The following GLTP variants were observed in gnomAD, a reference collection of about 807,000 sequenced individuals.
GLTP encodes the protein glycolipid transfer protein.
Under a neutral mutation model 24.0 loss-of-function variants are expected in GLTP, and 22 were observed. That is an observed-to-expected ratio of 0.92 (90% CI 0.65 to 1.31). GLTP has a LOEUF of 1.31. Ranked by LOEUF, GLTP falls within the 50% of genes most tolerant of loss-of-function variation. GLTP has a pLI of 0.00. For missense variants in GLTP, 224 were observed against 276.6 expected (o/e 0.81, Z 1.35); for synonymous variants, 92 against 115.9 (o/e 0.79, Z 1.33).
At chr12:109,876,645 A>T (rs1039784370) in intron 1 of GLTP, among the ~76,000 whole-genome samples, 3 of 148,428 alleles carry the variant, frequency 2.0e-5, no homozygotes, top group Non-Finnish European at 4.5e-5. Context: ...GAAAAGAAAG[A>T]AGGAAAGGAA....
chr12:109,880,231 C>T lies in GLTP; in HGVS notation c.103+41G>A. On this transcript the variant is annotated intron_variant, in intron 1 of 4. Transcript: ENST00000318348. This position sits in a 1 kb window ranked among gnomAD's most constrained non-coding sequence, Gnocchi z 5.1. ...TCGGGGGAAGGAGGATTCGGGTGCGCGTGGGGCTGCGGGCCGCCTCCCCCC... is the reference window on the plus strand; with the variant it reads ...TCGGGGGAAGGAGGATTCGGGTGCGTGTGGGGCTGCGGGCCGCCTCCCCCC... 8 of 1,189,172 alleles carry T rather than the reference C, an allele frequency of 6.7e-6. No individual in the cohort carries two copies. Among genetic ancestry groups the T allele is most frequent in the Non-Finnish European group, 9.8e-6 (8 of 814,752 alleles). The allele number at this position is 1,189,172 out of a possible 1,614,324, so 73.7% of individuals were successfully genotyped here.
chr12:109,870,801 C>T (rs975835538), intron 1 of GLTP, among the ~76,000 whole-genome samples: 2 of 152,124 alleles, frequency 1.3e-5, no homozygotes, highest in Admixed American at 6.6e-5. Flanking sequence ...CTTGGAGGAA[C>T]AGCAAGGCAG....
At chr12:109,871,817 G>A (rs991986640) in intron 1 of GLTP, among the ~76,000 whole-genome samples, 3 of 152,162 alleles carry the variant, frequency 2.0e-5, no homozygotes, top group Non-Finnish European at 4.4e-5. Flanking sequence ...TCCTTTTCAC[G>A]TGGATATAGG....
chr12:109,858,855 C>A, intron 1 of GLTP, 114 bp from the exon 2 acceptor site: 1 of 744,044 alleles, frequency 1.3e-6, no homozygotes, highest in South Asian at 1.5e-5. Flanking sequence ...CCGGGGAGAG[C>A]TGAGTTGTTC....
chr12:109,869,640 T>G (rs998155020), intron 1 of GLTP, among the ~76,000 whole-genome samples: 4 of 150,890 alleles, frequency 2.7e-5, no homozygotes, highest in East Asian at 2.0e-4. Flanking sequence ...TTTTTTGTTT[T>G]TTTGTATTTT....
chr12:109,852,403 C>T lies in GLTP; in HGVS notation c.*152G>A, dbSNP rs1418467119. 10 of 353,994 alleles carry T rather than the reference C, an allele frequency of 2.8e-5. No individual in the cohort carries two copies. Among genetic ancestry groups the T allele is most frequent in the South Asian group, 5.1e-5 (1 of 19,544 alleles). 21.9% of individuals were successfully genotyped at this position (353,994 alleles called of 1,614,324 possible). A position where few individuals can be genotyped will look rare whatever the true frequency, so the allele number is the denominator to read the frequency against. ...AAAAAAAAAAAAAAGACTTAAAAAA[C>T]GAGGGCTGTCCCCTGCAGACTCTGG... On this transcript the variant is annotated 3_prime_UTR_variant, in exon 5 of 5. Coordinates refer to ENST00000318348, the MANE Select transcript of GLTP (RefSeq NM_016433.4).
rs1892717072 is a variant in GLTP, at chr12:109,851,185, A to G, written c.*1370T>C. ...GAAGGGTTCATCTCTCCCCGTCAAG[A>G]GAATACACACGGTAGGTAGTTTCTT... On this transcript the variant is annotated 3_prime_UTR_variant, in exon 5 of 5. Transcript: ENST00000318348. 6.6e-6 allele frequency: 1 copy of G among 152,608 alleles called. No individual in the cohort carries two copies. The allele number at this position is 152,608 out of a possible 1,614,324, so 9.5% of individuals were successfully genotyped here.
Position 109,857,717 on chromosome 12 carries a change from C to T in GLTP, c.163-58G>A. The T allele has an allele frequency of 1.9e-6, 3 of 1,593,442 alleles. No homozygotes were observed. Among genetic ancestry groups the T allele is most frequent in the Non-Finnish European group, 2.6e-6 (3 of 1,161,198 alleles). ...TAAGCTGCCCCCATAGACATCTGGC[C>T]CGCACGCTGGGTGAAAAGCACCCTA... is the stretch of plus-strand genomic sequence containing the variant. On this transcript the variant is annotated intron_variant, in intron 2 of 4. Transcript: ENST00000318348. This position sits in a 1 kb window ranked among gnomAD's most constrained non-coding sequence, Gnocchi z 4.3.
Position 109,880,486 on chromosome 12 carries a change from CG to C in GLTP, c.-113del. The C allele has an allele frequency of 3.7e-6, 1 of 267,728 alleles. No individual in the cohort carries two copies. The highest frequency in any genetic ancestry group is 6.5e-6 in the Non-Finnish European group (1 of 154,240). The allele number at this position is 267,728 out of a possible 1,614,324, so 16.6% of individuals were successfully genotyped here. ...CGTCACAGCCGCCCGCCGCAGGCTC[CG>C]GGGACGCCAGCGTCGCCACTTCCGC... On this transcript the variant is annotated 5_prime_UTR_variant, in exon 1 of 5. Transcript: ENST00000318348. This position sits in a 1 kb window ranked among gnomAD's most constrained non-coding sequence, Gnocchi z 5.1.
At chr12:109,871,055 T>C (rs1278183002) in intron 1 of GLTP, among the ~76,000 whole-genome samples, 1 of 150,036 alleles carries the variant, frequency 6.7e-6, no homozygotes. Flanking sequence ...CAATGAAACC[T>C]AAGACTAGGA....
rs1188887153 is a variant in GLTP, at chr12:109,855,704, G to A, written c.362C>T (p.Pro121Leu). 1.2e-6 allele frequency: 2 copies of A among 1,609,712 alleles called. No homozygotes were observed. Among genetic ancestry groups the A allele is most frequent in the Non-Finnish European group, 8.5e-7 (1 of 1,178,098 alleles). Residue 121 changes from proline to leucine, a missense_variant, in exon 4 of 5, where the codon CCC becomes CTC. Coordinates refer to ENST00000318348, the MANE Select transcript of GLTP (RefSeq NM_016433.4). This position sits in a 1 kb window ranked among gnomAD's most constrained non-coding sequence, Gnocchi z 4.1. Reference protein sequence around the residue: ...ICDGERDENHPNLIRVNATKA... With the variant: ...ICDGERDENHLNLIRVNATKA... ...GGTGGCGTTGACACGGATGAGGTTG[G>A]GGTGGTTCTCGTCCCGCTCCCCGTC...
At chr12:109,876,996 G>A (rs1868904330) in intron 1 of GLTP, among the ~76,000 whole-genome samples, 1 of 152,144 alleles carries the variant, frequency 6.6e-6, no homozygotes. Flanking sequence ...GGAACTACAG[G>A]TGTGCACCTC....
intron 1 of GLTP, among the ~76,000 whole-genome samples, chr12:109,869,331 A>AAGAAAG (rs1565899917): frequency 6.7e-6 from 1 of 150,000 alleles, no homozygotes; most frequent in East Asian, 2.0e-4. Context: ...GAAAGAAAGA[A>AAGAAAG]AGAAAGAAAG....
chr12:109,871,439 G>A (rs184091439), intron 1 of GLTP, among the ~76,000 whole-genome samples: 28 of 152,090 alleles, frequency 1.8e-4, no homozygotes, highest in Middle Eastern at 3.4e-3. Context: ...CATGCCAGCC[G>A]GGAACTTCCT....
At chr12:109,863,535 T>C (rs1168369189) in intron 1 of GLTP, among the ~76,000 whole-genome samples, 1 of 152,210 alleles carries the variant, frequency 6.6e-6, no homozygotes, top group Non-Finnish European at 1.5e-5. Context: ...ACGTGGAATC[T>C]GTCAGCGTAT....
chr12:109,875,009 C>T (rs1197503884), intron 1 of GLTP, among the ~76,000 whole-genome samples: 1 of 152,016 alleles, frequency 6.6e-6, no homozygotes, highest in African/African-American at 2.4e-5. Flanking sequence ...GTGATCTGCC[C>T]GCCTCAGCCT....
In GLTP at chr12:109,855,715, G is replaced by T. The variant is rs1034902086; in HGVS notation, c.351C>A (p.Asp117Glu). The change falls in exon 4 of 5, where the codon GAC (aspartate) becomes GAA (glutamate). Residue 117 changes from aspartate to glutamate, a missense_variant. By Grantham distance (45) the Asp-to-Glu change is conservative (BLOSUM62 2). Transcript: ENST00000318348. This position sits in a 1 kb window ranked among gnomAD's most constrained non-coding sequence, Gnocchi z 4.1. ...CACGGATGAGGTTGGGGTGGTTCTC[G>T]TCCCGCTCCCCGTCGCAGATGCTCT... ...FLQSICDGER[D>E]ENHPNLIRVN... The T allele has an allele frequency of 1.3e-5, 21 of 1,608,988 alleles. No homozygotes were observed. The highest frequency in any genetic ancestry group is 1.6e-5 in the Non-Finnish European group (19 of 1,177,848).
At chr12:109,872,191 C>G (rs1868738755) in intron 1 of GLTP, among the ~76,000 whole-genome samples, 1 of 152,260 alleles carries the variant, frequency 6.6e-6, no homozygotes, top group Non-Finnish European at 1.5e-5. Context: ...GCAGCTGGCT[C>G]TGTGCCCTGG....
rs1053834656 is a variant in GLTP, at chr12:109,857,696, C to T, written c.163-37G>A. On this transcript the variant is annotated intron_variant, in intron 2 of 4. Transcript: ENST00000318348. The surrounding 1 kb of genome is among the most constrained non-coding windows in gnomAD (Gnocchi z 4.3). ...CACACAAGATTTCCCCTTGGGTAAG[C>T]TGCCCCCATAGACATCTGGCCCGCA... The T allele has an allele frequency of 4.3e-6, 7 of 1,613,506 alleles. No homozygotes were observed. The highest frequency in any genetic ancestry group is 5.9e-6 in the Non-Finnish European group (7 of 1,179,426).
Sources: gnomAD v4.1 joint callset for allele counts (sites outside exome capture counted in the v4.1 genomes callset) on GRCh38, gnomAD v4.1.1 for gene constraint, Gnocchi (gnomAD v3.1) non-coding constraint, MANE v1.5 for transcripts, NCBI Gene and HGNC (gene_info 2026-07-23, HGNC 2026-07-21) for gene names.